The following CPNE7 variants were observed in gnomAD, a reference collection of about 807,000 sequenced individuals.
CPNE7 encodes copine 7, also known as copine-7.
In CPNE7, 78 loss-of-function variants were observed where a neutral mutation model predicts 66.5. The observed-to-expected ratio is 1.17, with a 90% confidence interval of 0.98 to 1.42. The LOEUF (loss-of-function observed/expected upper bound fraction) is 1.42, where lower values mean the gene tolerates loss of function less well. CPNE7 is among the 40% of genes most tolerant of loss of function. The probability of loss-of-function intolerance (pLI) is 0.00; values close to 1 mark genes in which losing one functional copy is unlikely to be tolerated. For synonymous variants in CPNE7, 468 were observed against 336.7 expected, an observed-to-expected ratio of 1.39 and a Z score of -4.27; for missense variants, 1,012 against 776.6, an observed-to-expected ratio of 1.30 and a Z score of -3.60.
At chr16:89,596,392 G>A in intron 14 of CPNE7, 92 bp from the exon 15 acceptor site, 3 of 1,499,198 alleles carry the variant, frequency 2.0e-6, no homozygotes, top group African/African-American at 1.4e-5. Context: ...ACTCGGCTCT[G>A]GAGGATGAGG....
chr16:89,587,494 C>T (rs1186752858), intron 9 of CPNE7: 6 of 449,764 alleles, frequency 1.3e-5, no homozygotes, highest in African/African-American at 6.2e-5. Flanking sequence ...GAAGCAGCCC[C>T]AAGCCCGCCT....
At chr16:89,583,461 T>G in intron 2 of CPNE7, 1 of 1,550,554 alleles carries the variant, frequency 6.4e-7, no homozygotes, top group Non-Finnish European at 8.7e-7. Context: ...GACCTCTGCC[T>G]CCCCTGGGCG....
chr16:89,597,156 CATGGG>C lies in CPNE7; in HGVS notation c.*536_*540del, dbSNP rs1469440489. 2 of 152,932 alleles carry C rather than the reference CATGGG, an allele frequency of 1.3e-5. No homozygotes were observed. The highest frequency in any genetic ancestry group is 3.9e-4 in the East Asian group (2 of 5,142). The allele number at this position is 152,932 out of a possible 1,614,324, so 9.5% of individuals were successfully genotyped here. On this transcript the variant is annotated 3_prime_UTR_variant, in exon 15 of 15. Transcript: ENST00000319518. ...GCCGTCGGGCCTCTGCACCTGGGTC[CATGGG>C]GTCTGCGGGGTCTGCGGGGTCTGCC...
At chr16:89,578,166 G>A (rs2058890921) in intron 2 of CPNE7, among the ~76,000 whole-genome samples, 2 of 150,498 alleles carry the variant, frequency 1.3e-5, no homozygotes, top group African/African-American at 4.9e-5. Context: ...CTGGGTTCAA[G>A]CGATTCTCCT....
rs1157009540 is a variant in CPNE7 at position 89,592,969 on chromosome 16, T to A, written c.1302+1709T>A. On this transcript the variant is annotated intron_variant, in intron 13 of 14. Coordinates refer to ENST00000319518, the MANE Select transcript of CPNE7 (RefSeq NM_153636.3). ...CTGGGAGTACAGGCGCCCGCCACCA[T>A]ACCCGGCTAATTTTTATATTTTTGT... Among the ~76,000 whole-genome samples, 3 of 148,916 alleles carry A rather than the reference T, an allele frequency of 2.0e-5. No homozygotes were observed. In the South Asian group the frequency reaches 6.5e-4, roughly 32 times the overall value.
At chr16:89,593,988 AC>A (rs2059214038) in intron 13 of CPNE7, 1 of 151,974 alleles carries the variant, frequency 6.6e-6, no homozygotes, top group South Asian at 2.1e-4. Flanking sequence ...ATCACACCTA[AC>A]CACCACTCCT....
In CPNE7 at chr16:89,585,488, G is replaced by C. The variant is rs1476353267; in HGVS notation, c.616G>C (p.Val206Leu). Residue 206 changes from valine (V) to leucine (L), a missense_variant, in exon 6 of 15, where the codon GTG (valine) becomes CTG (leucine). Coordinates refer to ENST00000319518, the MANE Select transcript of CPNE7 (RefSeq NM_153636.3). Reference sequence around the variant, plus strand: ...GGTGGTGAAGAACAACCTGAACCCGGTGTGGGAGGCCTTCAAAGTCTCTCT... The same window carrying C: ...GGTGGTGAAGAACAACCTGAACCCGCTGTGGGAGGCCTTCAAAGTCTCTCT... ...TEVVKNNLNP[V>L]WEAFKVSLSS... The C allele has an allele frequency of 6.2e-7, 1 of 1,612,152 alleles. No homozygotes were observed. Among genetic ancestry groups the C allele is most frequent in the Non-Finnish European group, 8.5e-7 (1 of 1,179,492 alleles).
At position 89,591,848 on chromosome 16, in the gene CPNE7, C is replaced by G. The variant is rs963140631; in HGVS notation, c.1302+588C>G. 1.3e-4 allele frequency among the ~76,000 whole-genome samples: 19 copies of G among 151,892 alleles called. 1 individual carries two copies. The highest frequency in any genetic ancestry group is 4.6e-4 in the African/African-American group (19 of 41,340). On this transcript the variant is annotated intron_variant, in intron 13 of 14. Coordinates refer to ENST00000319518, the MANE Select transcript of CPNE7 (RefSeq NM_153636.3). ...CCCAAGGAGCTGGGACTACAGGCGCCCGCCACCACTTCTGGCTAATTTTTG... is the reference window on the plus strand; with the variant it reads ...CCCAAGGAGCTGGGACTACAGGCGCGCGCCACCACTTCTGGCTAATTTTTG...
chr16:89,576,062 G>C lies in CPNE7; in HGVS notation c.165G>C (p.Gln55His), dbSNP rs1223315412. 2 of 1,298,592 alleles carry C rather than the reference G, an allele frequency of 1.5e-6. No homozygotes were observed. The highest frequency in any genetic ancestry group is 1.5e-5 in the African/African-American group (1 of 64,948). The allele number at this position is 1,298,592 out of a possible 1,614,324, so 80.4% of individuals were successfully genotyped here. ...SVALLQQAQG[Q>H]WVQVGRTEVV... ...CGTTGCTGCAGCAGGCGCAGGGCCA[G>C]TGGGTGCAGGTAGGGCCGGGGCGTG... is the stretch of plus-strand genomic sequence containing the variant. The change falls in exon 1 of 15, where the codon CAG becomes CAC. Residue 55 changes from glutamine (Q) to histidine (H), a missense_variant. Transcript: ENST00000319518.
Position 89,595,418 on chromosome 16 carries a change from G to A in CPNE7, c.1354G>A (p.Asp452Asn), listed in dbSNP as rs1421251276. The A allele has an allele frequency of 3.7e-6, 6 of 1,602,408 alleles. No individual in the cohort carries two copies. Among genetic ancestry groups the A allele is most frequent in the South Asian group, 3.3e-5 (3 of 90,522 alleles). The change falls in exon 14 of 15, where the codon GAC becomes AAC. Residue 452 changes from aspartate (D) to asparagine (N), a missense_variant. Asp to Asn is a conservative substitution (Grantham distance 23). Coordinates refer to ENST00000319518, the MANE Select transcript of CPNE7 (RefSeq NM_153636.3). ...LTDGVVTDMA[D>N]TREAIVRASR... ...GGACGGCGTGGTGACCGACATGGCC[G>A]ACACACGGGAGGCCATTGTGCGTGC...
intron 2 of CPNE7, among the ~76,000 whole-genome samples, chr16:89,580,094 C>CCCG (rs2058927662): frequency 1.7e-5 from 1 of 60,286 alleles, no homozygotes; most frequent in African/African-American, 4.2e-5. Flanking sequence ...CACGGAACAT[C>CCCG]TCACCCATCA....
At chr16:89,581,286 GTCACACAGAACATCCCGTCACCCA>G (rs1450501817) in intron 2 of CPNE7, among the ~76,000 whole-genome samples, 2 of 126,010 alleles carry the variant, frequency 1.6e-5, no homozygotes, top group African/African-American at 5.7e-5. Flanking sequence ...CCTGTCACCA[GTCACACAGAACATCCCGTCACCCA>G]TCACACGGAA....
chr16:89,581,898 G>T (rs1330162901), intron 2 of CPNE7, among the ~76,000 whole-genome samples: 1 of 152,192 alleles, frequency 6.6e-6, no homozygotes, highest in African/African-American at 2.4e-5. Context: ...ACCCACCCTG[G>T]GCTCCCAAAA....
intron 11 of CPNE7, 91 bp downstream of exon 11, chr16:89,590,042 C>G: frequency 2.1e-6 from 3 of 1,432,694 alleles, no homozygotes; most frequent in South Asian, 2.4e-5. Flanking sequence ...GCCCTGGCTG[C>G]CTGCTGGGAA....
intron 5 of CPNE7, 45 bp from the exon 6 acceptor site, chr16:89,585,419 C>T: frequency 7.1e-7 from 1 of 1,407,490 alleles, no homozygotes; most frequent in Non-Finnish European, 1.0e-6. Flanking sequence ...CCCAAGGATC[C>T]CAGGGCCCTG....
At chr16:89,587,455 G>A (rs1378159442) in intron 9 of CPNE7, 5 of 418,206 alleles carry the variant, frequency 1.2e-5, no homozygotes, top group African/African-American at 4.3e-5. Context: ...TCCCTTTTGC[G>A]CAGGCGAGGA....
chr16:89,590,026 C>G, intron 11 of CPNE7, 75 bp downstream of exon 11: 1 of 1,541,930 alleles, frequency 6.5e-7, no homozygotes, highest in South Asian at 1.1e-5. Context: ...CGGCCTGGCC[C>G]AGGGAGCCCT....
At chr16:89,587,696 C>G (rs1487393181) in intron 9 of CPNE7, 1 of 355,096 alleles carries the variant, frequency 2.8e-6, no homozygotes, top group South Asian at 2.0e-5. Context: ...TAGATACGCA[C>G]ACCCCGTGTC....
At chr16:89,582,616 G>A (rs964593557) in intron 2 of CPNE7, among the ~76,000 whole-genome samples, 1 of 152,198 alleles carries the variant, frequency 6.6e-6, no homozygotes, top group South Asian at 2.1e-4. Flanking sequence ...CCCTAAGAGA[G>A]CCTTCCCACC....
Sources: allele counts gnomAD v4.1 joint callset (sites outside exome capture counted in the v4.1 genomes callset), GRCh38; gene constraint gnomAD v4.1.1; transcripts MANE v1.5; gene names NCBI Gene and HGNC (gene_info 2026-07-23, HGNC 2026-07-21).